SRSF11: variants seen among roughly 807,000 people sequenced by gnomAD.
The protein encoded by SRSF11 is serine/arginine-rich splicing factor 11.
Under a neutral mutation model 56.0 loss-of-function variants are expected in SRSF11, and 9 were observed. The observed-to-expected ratio is 0.16, with a 90% CI of 0.10 to 0.28. The LOEUF is 0.28. SRSF11 is among the 10% of genes least tolerant of loss of function. The pLI is 1.00. For missense variants in SRSF11, 421 were observed against 600.7 expected (o/e 0.70, Z 3.13); for synonymous variants, 222 against 215.3 (o/e 1.03, Z -0.27).
Position 70,235,556 on chromosome 1 carries a change from C to T in SRSF11, c.590+6C>T, listed in dbSNP as rs773417086. 1.7e-5 allele frequency: 28 copies of T among 1,609,020 alleles called. No homozygotes were observed. In the Admixed American group the frequency reaches 4.1e-4, roughly 23 times the overall value. On this transcript the variant is annotated splice_donor_region_variant and intron_variant, in intron 5 of 11. Transcript: ENST00000370949. ...ATGAGTACTGTTGATCCCAAGTAAG[C>T]GTTTTTTCTTTGTTTTCATTGGTGA...
Position 70,246,823 on chromosome 1 carries a change from A to G in SRSF11, c.938A>G (p.Lys313Arg), listed in dbSNP as rs772775938. 4.4e-6 allele frequency: 7 copies of G among 1,607,676 alleles called. No homozygotes were observed. The highest frequency in any genetic ancestry group is 3.3e-5 in the South Asian group (3 of 89,590). Residue 313 changes from lysine to arginine, a missense_variant, in exon 9 of 12, where the codon AAA becomes AGA. Physicochemically the swap from Lys to Arg is conservative, Grantham distance 26 (BLOSUM62 2). This residue lies in a region of SRSF11 where 253 missense variants were observed against 305.8 expected (regional missense o/e 0.83). Transcript: ENST00000370949. ...RSRSTSKTRD[K>R]KKEDKEKKRS... is the part of the protein sequence containing the mutation. ...AAATTGTGTTCATTTGTTAGAGACA[A>G]AAAGAAAGAAGACAAAGAAAAGAAA...
At chr1:70,235,647 T>C in intron 5 of SRSF11, 97 bp downstream of exon 5, 5 of 1,220,304 alleles carry the variant, frequency 4.1e-6, no homozygotes, top group Non-Finnish European at 1.2e-6. Context: ...TATCAAGTTA[T>C]CTTTTCTCAA....
rs1341717190 is a variant in SRSF11, at chr1:70,250,705, CAA to C, written c.1357_1358del (p.Lys453GlyfsTer10). On this transcript the variant is annotated frameshift_variant, in exon 12 of 12. Transcript: ENST00000370949. LOFTEE classifies it high-confidence loss of function. Reference sequence around the variant, plus strand: ...CCAATAGAAACAGGTTCCCCTAAAACAAAGGAATGTTCTGTGGAAAAGGGAAC... The same window carrying C: ...CCAATAGAAACAGGTTCCCCTAAAACAGGAATGTTCTGTGGAAAAGGGAAC... 1 of 1,613,932 alleles carries C rather than the reference CAA, an allele frequency of 6.2e-7. No individual in the cohort carries two copies.
chr1:70,245,039 G>A (rs1229095847), intron 8 of SRSF11, among the ~76,000 whole-genome samples: 1 of 152,208 alleles, frequency 6.6e-6, no homozygotes. Context: ...AAATTTCTTA[G>A]TAGTAGGAAT....
intron 1 of SRSF11, among the ~76,000 whole-genome samples, chr1:70,223,578 T>G (rs1671107691): frequency 6.6e-6 from 1 of 152,196 alleles, no homozygotes. Context: ...GAAAGAGAGA[T>G]AAATTGACAC....
rs1678050607 is a variant in SRSF11 at position 70,252,180 on chromosome 1, C to A, written c.*1375C>A. ...AAAATTGTCAAAAATGATTTAATTT[C>A]TATCCAAAATAGTCCTTTTCTTAGC... On this transcript the variant is annotated 3_prime_UTR_variant, in exon 12 of 12. Transcript: ENST00000370949. 1 of 152,210 alleles carries A rather than the reference C, an allele frequency of 6.6e-6. No individual in the cohort carries two copies. Among genetic ancestry groups the A allele is most frequent in the Non-Finnish European group, 1.5e-5 (1 of 67,974 alleles). The allele number at this position is 152,210 out of a possible 1,614,324, so 9.4% of individuals were successfully genotyped here.
At chr1:70,210,440 C>CGGT (rs1307445412) in intron 1 of SRSF11, among the ~76,000 whole-genome samples, 2 of 152,160 alleles carry the variant, frequency 1.3e-5, no homozygotes, top group Non-Finnish European at 1.5e-5. Flanking sequence ...TGGCCAGGTA[C>CGGT]GGTGGCTCAT....
chr1:70,234,615 C>T, intron 3 of SRSF11, 81 bp from the exon 4 acceptor site: 1 of 1,127,500 alleles, frequency 8.9e-7, no homozygotes, highest in Non-Finnish European at 1.3e-6. Flanking sequence ...GTTATCTGAC[C>T]CTTTACATTA....
intron 8 of SRSF11, among the ~76,000 whole-genome samples, chr1:70,245,636 C>T (rs906116850): frequency 2.6e-5 from 4 of 152,062 alleles, no homozygotes; most frequent in African/African-American, 9.7e-5. Flanking sequence ...GAGAATGACT[C>T]GAGTATTAAA....
chr1:70,221,949 G>A, intron 1 of SRSF11, 110 bp downstream of exon 1: 1 of 1,468,176 alleles, frequency 6.8e-7, no homozygotes, highest in South Asian at 1.4e-5. Context: ...GGCTGCTTGA[G>A]TGGCTGGTGG....
chr1:70,210,420 G>T (rs1051520383), intron 1 of SRSF11, among the ~76,000 whole-genome samples: 1 of 152,114 alleles, frequency 6.6e-6, no homozygotes, highest in Non-Finnish European at 1.5e-5. Context: ...GCCTTCCAAA[G>T]TGCTGGGATT....
In SRSF11 at chr1:70,243,336, CAAAAAA is replaced by C. The variant is rs56098296; in HGVS notation, c.801-1316_801-1311del. 3.8e-3 allele frequency among the ~76,000 whole-genome samples: 124 copies of C among 32,526 alleles called. No individual in the cohort carries two copies. The East Asian group carries it at 0.1, about 27-fold the overall frequency. 21.3% of individuals were successfully genotyped at this position (32,526 alleles called of 152,430 possible). On this transcript the variant is annotated intron_variant, in intron 7 of 11. Transcript: ENST00000370949. ...TTTTTAATCCACATTTGGTTGGTGG[CAAAAAA>C]AAAAAAAAAAAAAAAAAAAAAAAAA...
intron 1 of SRSF11, among the ~76,000 whole-genome samples, chr1:70,211,457 T>C (rs1322605160): frequency 6.6e-6 from 1 of 152,188 alleles, no homozygotes; most frequent in African/African-American, 2.4e-5. Flanking sequence ...ACAGTTTTAA[T>C]AAGACATGAT....
intron 1 of SRSF11, among the ~76,000 whole-genome samples, chr1:70,209,452 T>C (rs962073039): frequency 1.3e-5 from 2 of 152,242 alleles, no homozygotes; most frequent in African/African-American, 4.8e-5. Context: ...TATTGCCTTA[T>C]GTATGAGAGC....
At position 70,249,806 on chromosome 1, in the gene SRSF11, C is replaced by A; in HGVS notation, c.1023-146C>A. ...AACTCCTGGGCTCAAGCAATCCCCT[C>A]ACCTCAGCCTGCCAAAGTGCTGGGA... On this transcript the variant is annotated intron_variant, in intron 9 of 11. Coordinates refer to ENST00000370949, the MANE Select transcript of SRSF11 (RefSeq NM_001350605.2). 8 of 752,420 alleles carry A rather than the reference C, an allele frequency of 1.1e-5. No individual in the cohort carries two copies. In the South Asian group the frequency reaches 1.1e-4, roughly 10 times the overall value. 46.6% of individuals were successfully genotyped at this position (752,420 alleles called of 1,614,324 possible).
chr1:70,234,276 C>T (rs1380329119), intron 3 of SRSF11, among the ~76,000 whole-genome samples: 1 of 152,194 alleles, frequency 6.6e-6, no homozygotes, highest in Non-Finnish European at 1.5e-5. Context: ...TGTAAAGGTC[C>T]TGCCTCCGGT....
intron 9 of SRSF11, among the ~76,000 whole-genome samples, chr1:70,247,546 A>G (rs555787536): frequency 4.3e-4 from 65 of 151,380 alleles, no homozygotes; most frequent in African/African-American, 1.5e-3. Context: ...CATGCCATAT[A>G]AAAAAAAATA....
Position 70,228,107 on chromosome 1 carries a change from T to G in SRSF11, c.204-315T>G, listed in dbSNP as rs539452199. ...ACTGTTACCTGTATCTAAAAATAGC[T>G]GGTATTGGTATTATAAAGAAACTGT... is the stretch of plus-strand genomic sequence containing the variant. On this transcript the variant is annotated intron_variant, in intron 1 of 11. Transcript: ENST00000370949. 2.0e-5 allele frequency among the ~76,000 whole-genome samples: 3 copies of G among 152,290 alleles called. No homozygotes were observed. The South Asian group carries it at 6.2e-4, about 32-fold the overall frequency.
chr1:70,235,191 A>G (rs975078692), intron 4 of SRSF11, among the ~76,000 whole-genome samples: 10 of 152,078 alleles, frequency 6.6e-5, no homozygotes, highest in Non-Finnish European at 1.0e-4. Flanking sequence ...TGAGTTTTAC[A>G]TGTTTCTTTA....
Sources: gnomAD v4.1 joint callset for allele counts (sites outside exome capture counted in the v4.1 genomes callset) on GRCh38, gnomAD v4.1.1 for gene constraint, gnomAD v4.1.1 regional missense constraint, MANE v1.5 for transcripts, NCBI Gene and HGNC (gene_info 2026-07-23, HGNC 2026-07-21) for gene names.